Variants in MARK2 observed in about 807,000 individuals in gnomAD.
The protein encoded by MARK2 is serine/threonine-protein kinase MARK2.
Under a neutral mutation model 89.8 loss-of-function variants are expected in MARK2, and 16 were observed. The ratio of observed to expected loss-of-function variants is 0.18; its 90% CI spans 0.12 to 0.27. The LOEUF (loss-of-function observed/expected upper bound fraction) is 0.27. Ranked by LOEUF, MARK2 falls within the 10% of genes least tolerant of loss-of-function variation. The pLI is 1.00. For synonymous variants in MARK2, 382 were observed against 399.5 expected (o/e 0.96, Z 0.52); for missense variants, 621 against 1,049.9 (o/e 0.59, Z 5.65).
In MARK2 at chr11:63,909,457, T is replaced by G; in HGVS notation, c.*220T>G. On this transcript the variant is annotated 3_prime_UTR_variant, in exon 19 of 19. Coordinates refer to ENST00000402010, the MANE Select transcript of MARK2 (RefSeq NM_001039469.3). Reference sequence around the variant, plus strand: ...TTCACCCCTGCCCAGAGATTCCCCCTTCTCCTCTCCCCTACTGGAGGCAAA... The same window carrying G: ...TTCACCCCTGCCCAGAGATTCCCCCGTCTCCTCTCCCCTACTGGAGGCAAA... 5 of 453,244 alleles carry G rather than the reference T, an allele frequency of 1.1e-5. No individual in the cohort carries two copies. The highest frequency in any genetic ancestry group is 7.6e-5 in the East Asian group (2 of 26,464). The allele number at this position is 453,244 out of a possible 1,614,324, so 28.1% of individuals were successfully genotyped here.
At chr11:63,862,255 A>G (rs903919801) in intron 1 of MARK2, among the ~76,000 whole-genome samples, 4 of 152,050 alleles carry the variant, frequency 2.6e-5, no homozygotes, top group Non-Finnish European at 5.9e-5. Flanking sequence ...AGTAGATCTC[A>G]CTGTTTTACA....
chr11:63,903,231 C>T lies in MARK2; in HGVS notation c.1514+73C>T. 1 of 1,162,624 alleles carries T rather than the reference C, an allele frequency of 8.6e-7. No homozygotes were observed. The highest frequency in any genetic ancestry group is 1.3e-6 in the Non-Finnish European group (1 of 779,168). 72.0% of individuals were successfully genotyped at this position (1,162,624 alleles called of 1,614,324 possible). ...CACAGGGTGATGTCTGTCAGCAGCA[C>T]CGTCTCCTGTCCCTGCCAGCGCATT... On this transcript the variant is annotated intron_variant, in intron 14 of 18. Coordinates refer to ENST00000402010, the MANE Select transcript of MARK2 (RefSeq NM_001039469.3). This position sits in a 1 kb window ranked among gnomAD's most constrained non-coding sequence, Gnocchi z 5.1.
At chr11:63,881,121 T>C (rs1354859323) in intron 1 of MARK2, among the ~76,000 whole-genome samples, 2 of 151,112 alleles carry the variant, frequency 1.3e-5, no homozygotes, top group Non-Finnish European at 3.0e-5. Context: ...CTGGCCAACA[T>C]GGTGAAATCC....
At chr11:63,860,512 A>G (rs930191018) in intron 1 of MARK2, among the ~76,000 whole-genome samples, 2 of 151,504 alleles carry the variant, frequency 1.3e-5, no homozygotes, top group Non-Finnish European at 1.5e-5. Flanking sequence ...AGATCATGCC[A>G]CTGCACTGTA....
chr11:63,908,455 C>T, intron 18 of MARK2, 151 bp downstream of exon 18: 1 of 661,454 alleles, frequency 1.5e-6, no homozygotes, highest in Non-Finnish European at 2.6e-6. Flanking sequence ...AGAGAGTTTC[C>T]CCTTCCCAAA....
intron 1 of MARK2, among the ~76,000 whole-genome samples, chr11:63,854,698 G>C (rs1221933314): frequency 1.3e-5 from 2 of 151,696 alleles, no homozygotes; most frequent in Non-Finnish European, 2.9e-5. Flanking sequence ...AGCTGGGCAT[G>C]GTGGTGGGTG....
chr11:63,909,423 C>A lies in MARK2; in HGVS notation c.*186C>A. On this transcript the variant is annotated 3_prime_UTR_variant, in exon 19 of 19. Transcript: ENST00000402010. ...TGGGGGGTGGGAGATTGTTCTCCAGCACCCCACATTCACCCCTGCCCAGAG... is the reference window on the plus strand; with the variant it reads ...TGGGGGGTGGGAGATTGTTCTCCAGAACCCCACATTCACCCCTGCCCAGAG... The A allele has an allele frequency of 1.7e-6, 1 of 593,904 alleles. No homozygotes were observed. Among genetic ancestry groups the A allele is most frequent in the Non-Finnish European group, 2.8e-6 (1 of 359,916 alleles). 36.8% of individuals were successfully genotyped at this position (593,904 alleles called of 1,614,324 possible).
At chr11:63,841,142 C>G (rs1238123239) in intron 1 of MARK2, among the ~76,000 whole-genome samples, 1 of 152,222 alleles carries the variant, frequency 6.6e-6, no homozygotes, top group African/African-American at 2.4e-5. Context: ...CCCTCTTACT[C>G]CCTTCTTTCT....
chr11:63,879,271 C>G (rs755569354), intron 1 of MARK2, among the ~76,000 whole-genome samples: 1 of 152,076 alleles, frequency 6.6e-6, no homozygotes, highest in Non-Finnish European at 1.5e-5. Flanking sequence ...GACACCACTG[C>G]ACTCCAGCCT....
rs1402500438 is a variant in MARK2 at position 63,903,565 on chromosome 11, G to A, written c.1514+407G>A. On this transcript the variant is annotated intron_variant, in intron 14 of 18. Transcript: ENST00000402010. This position sits in a 1 kb window ranked among gnomAD's most constrained non-coding sequence, Gnocchi z 5.1. ...GACTCCAGCCATCCCCATGAGACCA[G>A]AGCTCCCCAGCCTTCACCGGCCGCA... Among the ~76,000 whole-genome samples the A allele has an allele frequency of 6.6e-6, 1 of 152,096 alleles. No homozygotes were observed. Among genetic ancestry groups the A allele is most frequent in the Non-Finnish European group, 1.5e-5 (1 of 68,016 alleles).
At chr11:63,880,475 C>T (rs1044162316) in intron 1 of MARK2, among the ~76,000 whole-genome samples, 1 of 152,132 alleles carries the variant, frequency 6.6e-6, no homozygotes, top group Non-Finnish European at 1.5e-5. Context: ...ATAATTGTCT[C>T]CTAGATTCTT....
chr11:63,850,342 G>GTTTTTTTTTT (rs1382022541), intron 1 of MARK2, among the ~76,000 whole-genome samples: 3 of 120,740 alleles, frequency 2.5e-5, no homozygotes, highest in South Asian at 2.6e-4. Flanking sequence ...TTTTTTTTTG[G>GTTTTTTTTTT]ATTTTTAGTA....
chr11:63,856,975 C>G (rs552601519), intron 1 of MARK2, among the ~76,000 whole-genome samples: 23 of 151,246 alleles, frequency 1.5e-4, no homozygotes, highest in African/African-American at 5.3e-4. Flanking sequence ...CCATGCCCGG[C>G]TAATTTTTTG....
chr11:63,905,250 A>C (rs573106786), intron 16 of MARK2, among the ~76,000 whole-genome samples: 119 of 151,648 alleles, frequency 7.8e-4, no homozygotes, highest in African/African-American at 2.7e-3. Flanking sequence ...CCTCTCCCCA[A>C]CTCCTCACAG....
rs1391177290 is a variant in MARK2 at position 63,880,520 on chromosome 11, T to A, written c.55-14639T>A. ...ACTGTCCGTCCCCAATTGGTAGCTC[T>A]TAGAATGGCTCGAGTTGCATTCATT... On this transcript the variant is annotated intron_variant, in intron 1 of 18. Transcript: ENST00000402010. Among the ~76,000 whole-genome samples, 6 of 152,230 alleles carry A rather than the reference T, an allele frequency of 3.9e-5. No homozygotes were observed. The East Asian group carries it at 1.2e-3, about 29-fold the overall frequency.
At chr11:63,858,153 A>G (rs565966194) in intron 1 of MARK2, among the ~76,000 whole-genome samples, 12 of 152,050 alleles carry the variant, frequency 7.9e-5, no homozygotes, top group South Asian at 2.1e-4. Context: ...CAGCCTCCCA[A>G]CTAGCTGGGA....
In MARK2 at chr11:63,898,238, C is replaced by T. The variant is rs751422215; in HGVS notation, c.295C>T (p.Arg99Cys). The part of the protein sequence containing the change: ...LNSSSLQKLF[R>C]EVRIMKVLNH... ...CTGGTATTTTATCTTCCAGCTATTC[C>T]GCGAAGTAAGAATAATGAAGGTTTT... The change falls in exon 4 of 19, where the codon CGC becomes TGC. Residue 99 changes from arginine to cysteine, a missense_variant. This residue lies in a region of MARK2 where 82 missense variants were observed against 287.7 expected (regional missense o/e 0.29). Coordinates refer to ENST00000402010, the MANE Select transcript of MARK2 (RefSeq NM_001039469.3). The T allele has an allele frequency of 1.2e-6, 2 of 1,613,810 alleles. No homozygotes were observed. The highest frequency in any genetic ancestry group is 1.7e-5 in the Admixed American group (1 of 60,022).
At chr11:63,846,014 C>T (rs925222514) in intron 1 of MARK2, among the ~76,000 whole-genome samples, 1 of 151,904 alleles carries the variant, frequency 6.6e-6, no homozygotes, top group Non-Finnish European at 1.5e-5. Flanking sequence ...TGAGCCACCG[C>T]GCCCGGCATC....
chr11:63,889,078 G>A, intron 1 of MARK2: 1 of 723,978 alleles, frequency 1.4e-6, no homozygotes, highest in Non-Finnish European at 2.1e-6. Context: ...GTCCAGCATA[G>A]TAATATTCAT....
Sources: gnomAD v4.1 joint callset for allele counts (sites outside exome capture counted in the v4.1 genomes callset) on GRCh38, gnomAD v4.1.1 for gene constraint, gnomAD v4.1.1 regional missense constraint, Gnocchi (gnomAD v3.1) non-coding constraint, MANE v1.5 for transcripts, NCBI Gene and HGNC (gene_info 2026-07-23, HGNC 2026-07-21) for gene names.